The following PKD1L1 variants were observed in gnomAD, a reference collection of about 807,000 sequenced individuals.
PKD1L1 encodes the protein polycystin 1 like 1, transient receptor potential channel interacting, also known as polycystin-1-like protein 1.
Under a neutral mutation model 323.4 loss-of-function variants are expected in PKD1L1, and 236 were observed. That is an observed-to-expected ratio of 0.73 (90% CI 0.66 to 0.81). The LOEUF (loss-of-function observed/expected upper bound fraction) is 0.81. Ranked by LOEUF, PKD1L1 falls within the 40% of genes least tolerant of loss-of-function variation. PKD1L1 has a pLI of 0.00. For synonymous variants in PKD1L1, 1,344 were observed against 1,335.0 expected (o/e 1.01, Z -0.15); for missense variants, 3,320 against 3,508.0 (o/e 0.95, Z 1.35).
At chr7:47,819,466 T>G in intron 46 of PKD1L1, 1 of 1,160,920 alleles carries the variant, frequency 8.6e-7, no homozygotes, top group East Asian at 6.8e-5. Flanking sequence ...AGATTTCCAT[T>G]TCCATTGAGG....
At chr7:47,818,169 G>A (rs1436699586) in intron 46 of PKD1L1, 1 of 1,367,400 alleles carries the variant, frequency 7.3e-7, no homozygotes, top group Non-Finnish European at 9.8e-7. Flanking sequence ...GGAGAACACA[G>A]ATGGAGACAG....
chr7:47,796,874 C>T (rs1209978837), intron 54 of PKD1L1, among the ~76,000 whole-genome samples: 1 of 149,616 alleles, frequency 6.7e-6, no homozygotes, highest in Non-Finnish European at 1.5e-5. Context: ...GTGGTGGGCA[C>T]CTGTAGTCCC....
intron 56 of PKD1L1, among the ~76,000 whole-genome samples, chr7:47,788,577 A>ATATATATATTT (rs939251075): frequency 4.3e-5 from 6 of 138,062 alleles, no homozygotes; most frequent in African/African-American, 1.6e-4. Context: ...ATATATATAT[A>ATATATATATTT]TTTTTTTTTT....
rs1785534632 is a variant in PKD1L1, at chr7:47,839,948, A to T, written c.5553-286T>A. Among the ~76,000 whole-genome samples the T allele has an allele frequency of 6.6e-6, 1 of 152,226 alleles. No homozygotes were observed. Among genetic ancestry groups the T allele is most frequent in the African/African-American group, 2.4e-5 (1 of 41,468 alleles). On this transcript the variant is annotated intron_variant, in intron 35 of 56. Transcript: ENST00000289672. The surrounding 1 kb of genome is among the most constrained non-coding windows in gnomAD (Gnocchi z 4.3). ...GTTCATGTATTTGTCTCTGGTGTGG[A>T]TTAGTCTAAAGTTAACCTTTTCTCT...
intron 11 of PKD1L1, among the ~76,000 whole-genome samples, chr7:47,904,934 G>A (rs748598169): frequency 2.0e-5 from 3 of 152,098 alleles, no homozygotes; most frequent in Non-Finnish European, 2.9e-5. Context: ...AGGACTGTCT[G>A]CTTCAAAGCC....
In PKD1L1 at chr7:47,803,206, T is replaced by C; in HGVS notation, c.7962+4A>G. On this transcript the variant is annotated splice_donor_region_variant and intron_variant, in intron 53 of 56. Transcript: ENST00000289672. ...AATCACCTGATAAAGGGGAGAGTTC[T>C]TACCCCTGCTACAAAGATGCTGGGG... The C allele has an allele frequency of 1.2e-6, 2 of 1,614,134 alleles. No homozygotes were observed. Among genetic ancestry groups the C allele is most frequent in the Non-Finnish European group, 1.7e-6 (2 of 1,180,010 alleles).
chr7:47,834,850 G>T (rs1182166795), intron 39 of PKD1L1, 117 bp downstream of exon 39: 13 of 826,830 alleles, frequency 1.6e-5, no homozygotes, highest in Non-Finnish European at 2.1e-5. Context: ...GATGCTCAAT[G>T]TTACTCATAA....
chr7:47,948,276 G>T, intron 1 of PKD1L1, 121 bp downstream of exon 1: 1 of 1,145,650 alleles, frequency 8.7e-7, no homozygotes, highest in Non-Finnish European at 1.3e-6. Flanking sequence ...TCCTGGTACA[G>T]GGCCTCCACT....
chr7:47,787,170 G>A (rs371404850), intron 56 of PKD1L1, among the ~76,000 whole-genome samples: 13 of 152,270 alleles, frequency 8.5e-5, no homozygotes, highest in African/African-American at 3.1e-4. Flanking sequence ...CAGCTTGCTT[G>A]GCCTATTCCA....
intron 17 of PKD1L1, 88 bp from the exon 18 acceptor site, chr7:47,886,142 A>G: frequency 6.8e-7 from 1 of 1,468,962 alleles, no homozygotes; most frequent in Non-Finnish European, 9.1e-7. Context: ...TAAGGATGCT[A>G]TATTATAAAC....
At chr7:47,829,770 C>A (rs1274747588) in intron 43 of PKD1L1, among the ~76,000 whole-genome samples, 169 bp from the exon 44 acceptor site, 1 of 152,158 alleles carries the variant, frequency 6.6e-6, no homozygotes, top group Non-Finnish European at 1.5e-5. Flanking sequence ...AGGCATGGCC[C>A]CGCCCAAGAG....
chr7:47,788,784 A>G (rs997816589), intron 56 of PKD1L1, among the ~76,000 whole-genome samples: 3 of 150,844 alleles, frequency 2.0e-5, no homozygotes, highest in African/African-American at 7.3e-5. Context: ...TTTTTAGTAG[A>G]GATGGGTTTT....
At chr7:47,889,248 C>T (rs192711746) in intron 16 of PKD1L1, among the ~76,000 whole-genome samples, 1 of 152,240 alleles carries the variant, frequency 6.6e-6, no homozygotes, top group East Asian at 1.9e-4. Context: ...AAGATGTTCA[C>T]CTGATAGCTT....
rs751408049 is a variant in PKD1L1 at position 47,857,816 on chromosome 7, T to C, written c.4379A>G (p.Asn1460Ser). 6.6e-5 allele frequency: 106 copies of C among 1,613,956 alleles called. No individual in the cohort carries two copies. Among genetic ancestry groups the C allele is most frequent in the South Asian group, 2.0e-4 (18 of 91,074 alleles). The change falls in exon 28 of 57, where the codon AAC becomes AGC. Residue 1460 changes from asparagine to serine, a missense_variant. Transcript: ENST00000289672. ...CTCCATCTGCCCAGTGCTAACATGG[T>C]TCAAAGAGAGACAACCCTGAAACAT... Reference protein sequence around the residue: ...SDLLLGCLSLNHVSTGQMEFR... With the variant: ...SDLLLGCLSLSHVSTGQMEFR...
chr7:47,800,790 G>A lies in PKD1L1; in HGVS notation c.8052C>T (p.Asp2684=), dbSNP rs376568069. 29 of 1,613,954 alleles carry A rather than the reference G, an allele frequency of 1.8e-5. No homozygotes were observed. Among genetic ancestry groups the A allele is most frequent in the South Asian group, 8.8e-5 (8 of 91,076 alleles). The change falls in exon 54 of 57, where the codon GAC becomes GAT. Residue 2684 remains aspartate, a synonymous_variant. Transcript: ENST00000289672. ...MWVLPPGTFT[D]AFPGLLFHFP... Reference sequence around the variant, plus strand: ...AATGAAACAGCAGCCCGGGGAAGGCGTCTGTGAAGGTGCCAGGTGGTAGAA... The same window carrying A: ...AATGAAACAGCAGCCCGGGGAAGGCATCTGTGAAGGTGCCAGGTGGTAGAA...
chr7:47,868,824 G>A (rs946936099), intron 24 of PKD1L1, among the ~76,000 whole-genome samples: 15 of 152,116 alleles, frequency 9.9e-5, no homozygotes, highest in African/African-American at 1.9e-4. Flanking sequence ...GCAGTGAGCC[G>A]AGATCACGGC....
chr7:47,850,632 CA>C (rs58437908), intron 31 of PKD1L1, among the ~76,000 whole-genome samples: 78 of 75,794 alleles, frequency 1.0e-3, no homozygotes, highest in East Asian at 7.3e-3. Context: ...GACTCTGTCT[CA>C]AAAAAAAAAA....
chr7:47,858,667 A>G lies in PKD1L1; in HGVS notation c.4362+6T>C. ...TTTTTATGGATGGAGAAAAAGTGTG[A>G]CTTACCAACAATAAATCTGAGATGA... On this transcript the variant is annotated splice_donor_region_variant and intron_variant, in intron 27 of 56. Transcript: ENST00000289672. 1 of 1,604,302 alleles carries G rather than the reference A, an allele frequency of 6.2e-7. No homozygotes were observed.
At chr7:47,924,462 G>A (rs1787619159) in intron 7 of PKD1L1, among the ~76,000 whole-genome samples, 1 of 152,170 alleles carries the variant, frequency 6.6e-6, no homozygotes, top group Admixed American at 6.5e-5. Flanking sequence ...TTATTTACAG[G>A]AGTAGTTGGG....
Sources: allele counts gnomAD v4.1 joint callset (sites outside exome capture counted in the v4.1 genomes callset), GRCh38; gene constraint gnomAD v4.1.1; non-coding constraint Gnocchi (gnomAD v3.1); transcripts MANE v1.5; gene names NCBI Gene and HGNC (gene_info 2026-07-23, HGNC 2026-07-21).